The following TNRC6B variants were observed in gnomAD, a reference collection of about 807,000 sequenced individuals.
TNRC6B encodes trinucleotide repeat containing adaptor 6B.
A neutral mutation model predicts 203.6 loss-of-function variants in TNRC6B; 52 were observed. The observed-to-expected ratio is 0.26, with a 90% confidence interval of 0.20 to 0.32. The LOEUF is 0.32. Among genes scored for constraint, TNRC6B ranks in the 10% least tolerant of loss-of-function variants. The pLI, the probability that TNRC6B is intolerant of heterozygous loss-of-function variation, is 1.00. For synonymous variants in TNRC6B, 838 were observed against 845.7 expected (o/e 0.99, Z 0.16); for missense variants, 1,923 against 2,286.2 (o/e 0.84, Z 3.24).
chr22:40,076,888 G>A (rs903765473), intron 1 of TNRC6B, among the ~76,000 whole-genome samples: 1 of 151,966 alleles, frequency 6.6e-6, no homozygotes, highest in East Asian at 1.9e-4. Context: ...AGCTGGGTGC[G>A]GGGGTGTGCA....
rs61374373 is a variant in TNRC6B at position 40,222,728 on chromosome 22, C to CTTTTTTTTTTTT, written c.6-23265_6-23254dup. Among the ~76,000 whole-genome samples, 222 of 40,214 alleles carry CTTTTTTTTTTTT rather than the reference C, an allele frequency of 5.5e-3. 34 individuals are homozygous for CTTTTTTTTTTTT. Among genetic ancestry groups the CTTTTTTTTTTTT allele is most frequent in the Middle Eastern group, 0.023 (1 of 44 alleles). The allele number at this position is 40,214 out of a possible 152,430, so 26.4% of individuals were successfully genotyped here. A position where few individuals can be genotyped will look rare whatever the true frequency, so the allele number is the denominator to read the frequency against. ...ATCTTGCTGTATTCTCTCTCTCTCT[C>CTTTTTTTTTTTT]TTTTTTTTTTTTTTTTTTTTTTTTT... On this transcript the variant is annotated intron_variant, in intron 1 of 22. Coordinates refer to ENST00000454349, the MANE Select transcript of TNRC6B (RefSeq NM_001162501.2).
Position 40,325,838 on chromosome 22 carries a change from T to A in TNRC6B, c.*2597T>A, listed in dbSNP as rs1190671062. ...TGTGTCCTGCCCCACCCTCCTCTCC[T>A]CCTGCCTGTTGGTTCCTTGACCTGC... is the stretch of plus-strand genomic sequence containing the variant. On this transcript the variant is annotated 3_prime_UTR_variant, in exon 23 of 23. Coordinates refer to ENST00000454349, the MANE Select transcript of TNRC6B (RefSeq NM_001162501.2). 1 of 152,822 alleles carries A rather than the reference T, an allele frequency of 6.5e-6. No homozygotes were observed. The highest frequency in any genetic ancestry group is 1.9e-4 in the East Asian group (1 of 5,200). 9.5% of individuals were successfully genotyped at this position (152,822 alleles called of 1,614,324 possible).
intron 1 of TNRC6B, among the ~76,000 whole-genome samples, chr22:40,243,603 T>C (rs567729891): frequency 6.6e-6 from 1 of 152,322 alleles, no homozygotes; most frequent in South Asian, 2.1e-4. Flanking sequence ...TATTCATTCA[T>C]TTATTTATTT....
chr22:40,110,773 A>G (rs150148212), intron 1 of TNRC6B, among the ~76,000 whole-genome samples: 62 of 152,352 alleles, frequency 4.1e-4, no homozygotes, highest in African/African-American at 1.4e-3. Flanking sequence ...TGCTTCTCCC[A>G]GGAAGTCTGG....
At chr22:40,176,659 G>GACGTGGTGTTTTTCCTTATT (rs1280327698), upstream of TNRC6B, among the ~76,000 whole-genome samples, 2 of 152,168 alleles carry the variant, frequency 1.3e-5, no homozygotes, top group Non-Finnish European at 2.9e-5. Context: ...GAGCAGTGAA[G>GACGTGGTGTTTTTCCTTATT]ACGTGGTGTT....
intron 12 of TNRC6B, among the ~76,000 whole-genome samples, chr22:40,286,035 GA>G (rs1268736911): frequency 6.6e-6 from 1 of 152,134 alleles, no homozygotes; most frequent in Non-Finnish European, 1.5e-5. Context: ...ATTTTTGCAT[GA>G]AAAGCTTATT....
chr22:40,270,627 T>G (rs1359138271), intron 6 of TNRC6B, among the ~76,000 whole-genome samples: 1 of 152,078 alleles, frequency 6.6e-6, no homozygotes, highest in Non-Finnish European at 1.5e-5. Context: ...CGGGATTCTT[T>G]GTTAAATGTT....
rs889839827 is a variant in TNRC6B, at chr22:40,266,671, A to C, written c.2441A>C (p.Asn814Thr). ...PAWNETGRQP[N>T]SWNKQHQQQQ... ...TGGAATGAGACGGGCCGACAGCCCA[A>C]TTCCTGGAATAAACAACACCAACAG... The change falls in exon 5 of 23, where the codon AAT becomes ACT. Residue 814 changes from asparagine to threonine, a missense_variant. Coordinates refer to ENST00000454349, the MANE Select transcript of TNRC6B (RefSeq NM_001162501.2). 5 of 1,613,634 alleles carry C rather than the reference A, an allele frequency of 3.1e-6. No individual in the cohort carries two copies. The highest frequency in any genetic ancestry group is 4.2e-6 in the Non-Finnish European group (5 of 1,179,778).
At chr22:40,155,671 C>A (rs992600518) in intron 3 of TNRC6B, among the ~76,000 whole-genome samples, 2 of 152,002 alleles carry the variant, frequency 1.3e-5, no homozygotes, top group African/African-American at 2.4e-5. Context: ...ATACCCTTGT[C>A]AACACTTGGT....
At chr22:40,322,383 A>C (rs1446325888) in intron 22 of TNRC6B, among the ~76,000 whole-genome samples, 2 of 152,190 alleles carry the variant, frequency 1.3e-5, no homozygotes, top group Non-Finnish European at 2.9e-5. Context: ...TCTGTAGTTT[A>C]CATTAGAGTT....
chr22:40,197,357 T>C (rs1405095376), intron 1 of TNRC6B, among the ~76,000 whole-genome samples: 1 of 152,004 alleles, frequency 6.6e-6, no homozygotes, highest in African/African-American at 2.4e-5. Context: ...TGATCTCAGC[T>C]CACTGCAACC....
Position 40,323,058 on chromosome 22 carries a change from G to T in TNRC6B, c.5319G>T (p.Gly1773=), listed in dbSNP as rs767160658. ...TTTTTGGTGGGTCCACTGGGCTCGG[G>T]CAGTGGAGCAGCAGCGCTGGTGGCA... ...LNLFGGSTGL[G]QWSSSAGGSS... is the part of the protein sequence containing the mutation. Residue 1773 remains glycine (G), a synonymous_variant, in exon 23 of 23, where the codon GGG becomes GGT. Transcript: ENST00000454349. The T allele has an allele frequency of 6.2e-7, 1 of 1,602,378 alleles. No homozygotes were observed. The highest frequency in any genetic ancestry group is 8.5e-7 in the Non-Finnish European group (1 of 1,173,994).
intron 1 of TNRC6B, among the ~76,000 whole-genome samples, chr22:40,103,115 T>C (rs1297691508): frequency 1.3e-5 from 2 of 150,326 alleles, no homozygotes; most frequent in African/African-American, 2.4e-5. Flanking sequence ...ATTAATTAAT[T>C]AATTTAGCTG....
intron 1 of TNRC6B, among the ~76,000 whole-genome samples, chr22:40,185,485 A>T (rs562981627): frequency 6.6e-6 from 1 of 152,254 alleles, no homozygotes; most frequent in South Asian, 2.1e-4. Flanking sequence ...ACTGATTTTA[A>T]CTGTGTTGAT....
At chr22:40,153,937 A>G (rs1327721819) in intron 3 of TNRC6B, among the ~76,000 whole-genome samples, 1 of 151,284 alleles carries the variant, frequency 6.6e-6, no homozygotes, top group Non-Finnish European at 1.5e-5. Flanking sequence ...TTATGAAATT[A>G]TATTAATTAA....
At chr22:40,054,381 A>G (rs907116142) in intron 1 of TNRC6B, among the ~76,000 whole-genome samples, 1 of 151,980 alleles carries the variant, frequency 6.6e-6, no homozygotes, top group African/African-American at 2.4e-5. Context: ...ACCCTCTTCA[A>G]GTTCCGGAAA....
chr22:40,122,317 C>A (rs1054856251), intron 2 of TNRC6B, among the ~76,000 whole-genome samples: 5 of 152,120 alleles, frequency 3.3e-5, no homozygotes, highest in Non-Finnish European at 7.4e-5. Flanking sequence ...CGCCCATTCC[C>A]GCTGCCACTG....
chr22:40,296,543 A>G (rs2070944967), intron 12 of TNRC6B, among the ~76,000 whole-genome samples: 1 of 151,692 alleles, frequency 6.6e-6, no homozygotes, highest in Non-Finnish European at 1.5e-5. Context: ...CGTGTTAGCC[A>G]GGATGGTTGC....
chr22:40,225,949 G>A (rs1203818737), intron 1 of TNRC6B, among the ~76,000 whole-genome samples: 1 of 152,124 alleles, frequency 6.6e-6, no homozygotes, highest in Non-Finnish European at 1.5e-5. Flanking sequence ...TGATCCTGAA[G>A]AGTTAAACAC....
Sources: gnomAD v4.1 joint callset for allele counts (sites outside exome capture counted in the v4.1 genomes callset) on GRCh38, gnomAD v4.1.1 for gene constraint, MANE v1.5 for transcripts, NCBI Gene and HGNC (gene_info 2026-07-23, HGNC 2026-07-21) for gene names.